CHRNA4: variants seen among roughly 807,000 people sequenced by gnomAD.
CHRNA4 encodes cholinergic receptor nicotinic alpha 4 subunit.
A neutral mutation model predicts 48.9 loss-of-function variants in CHRNA4; 28 were observed. The observed-to-expected ratio is 0.57, with a 90% CI of 0.42 to 0.79. The LOEUF (loss-of-function observed/expected upper bound fraction) is 0.79, where lower values mean the gene tolerates loss of function less well. Among genes scored for constraint, CHRNA4 ranks in the 30% least tolerant of loss-of-function variants. The pLI is 0.00. For synonymous variants in CHRNA4, 425 were observed against 402.3 expected (o/e 1.06, Z -0.68); for missense variants, 859 against 898.4 (o/e 0.96, Z 0.56).
intron 4 of CHRNA4, among the ~76,000 whole-genome samples, chr20:63,352,078 G>A (rs904128976): frequency 2.1e-4 from 32 of 152,218 alleles, no homozygotes; most frequent in Non-Finnish European, 3.8e-4. Flanking sequence ...GGGGCACGAC[G>A]CGTCGGGGGG....
intron 1 of CHRNA4, 103 bp from the exon 2 acceptor site, chr20:63,359,802 A>C (rs986041867): frequency 1.5e-4 from 206 of 1,380,916 alleles, no homozygotes; most frequent in Non-Finnish European, 1.9e-4. Flanking sequence ...CAGCACGTCC[A>C]CTTCCTTTCA....
Position 63,356,097 on chromosome 20 carries a change from G to C in CHRNA4, c.274-13C>G, listed in dbSNP as rs1057524765. On this transcript the variant is annotated splice_polypyrimidine_tract_variant and intron_variant, in intron 3 of 5. Coordinates refer to ENST00000370263, the MANE Select transcript of CHRNA4 (RefSeq NM_000744.7). ...AGTCGTGCCACTCCTGGATGAGGTG[G>C]GGCGGGGGGAGGCTGCAGGGTGAGG... 1.9e-6 allele frequency: 3 copies of C among 1,578,754 alleles called. No homozygotes were observed. The African/African-American group carries it at 4.4e-5, about 23-fold the overall frequency.
Position 63,356,009 on chromosome 20 carries a change from G to A in CHRNA4, c.349C>T (p.Leu117Phe), listed in dbSNP as rs2145400862. 6.2e-7 allele frequency: 1 copy of A among 1,611,660 alleles called. No individual in the cohort carries two copies. The highest frequency in any genetic ancestry group is 8.5e-7 in the Non-Finnish European group (1 of 1,179,680). The change falls in exon 4 of 6, where the codon CTC (leucine) becomes TTC (phenylalanine). Residue 117 changes from leucine to phenylalanine, a missense_variant. Physicochemically the swap from Leu to Phe is conservative, Grantham distance 22. Transcript: ENST00000370263. ...NVTSIRIPSE[L>F]IWRPDIVLYN... The stretch of plus-strand genomic sequence containing the variant: ...AGGACGATGTCCGGCCGCCAGATGA[G>A]CTCGGAGGGGATGCGGATGGAGGTG...
rs754312855 is a variant in CHRNA4 at position 63,355,999 on chromosome 20, C to T, written c.359G>A (p.Arg120Gln). ...SIRIPSELIW[R>Q]PDIVLYNNAD... is the part of the protein sequence containing the mutation. ...CTTGTTGTAGAGGACGATGTCCGGC[C>T]GCCAGATGAGCTCGGAGGGGATGCG... The change falls in exon 4 of 6, where the codon CGG (arginine) becomes CAG (glutamine). Residue 120 changes from arginine to glutamine, a missense_variant. This residue lies in a region of CHRNA4 where 342 missense variants were observed against 365.3 expected (regional missense o/e 0.94). Coordinates refer to ENST00000370263, the MANE Select transcript of CHRNA4 (RefSeq NM_000744.7). 1.2e-6 allele frequency: 2 copies of T among 1,611,718 alleles called. No homozygotes were observed. The highest frequency in any genetic ancestry group is 1.1e-5 in the South Asian group (1 of 90,984).
rs199699339 is a variant in CHRNA4 at position 63,356,390 on chromosome 20, G to A, written c.254C>T (p.Thr85Met). The change falls in exon 3 of 6, where the codon ACG becomes ATG. Residue 85 changes from threonine to methionine, a missense_variant. Around this residue, in one of 3 missense-constraint regions of CHRNA4, gnomAD observed 342 missense variants for 365.3 expected, o/e 0.94. Transcript: ENST00000370263. ...ACTCACCTGCTTCACCCATACGTTC[G>A]TGGTCATCATCTGGTTCTTCTCATC... is the stretch of plus-strand genomic sequence containing the variant. Reference protein sequence around the residue: ...DVDEKNQMMTTNVWVKQEWHD... With the variant: ...DVDEKNQMMTMNVWVKQEWHD... 7.5e-6 allele frequency: 12 copies of A among 1,601,270 alleles called. No homozygotes were observed. Among genetic ancestry groups the A allele is most frequent in the Middle Eastern group, 1.6e-4 (1 of 6,066 alleles).
rs79739740 is a variant in CHRNA4 at position 63,361,115 on chromosome 20, C to T, written c.51G>A (p.Leu17=). The T allele has an allele frequency of 0.078, 114,801 of 1,477,178 alleles. 4,862 individuals are homozygous for T. The highest frequency in any genetic ancestry group is 0.088 in the Non-Finnish European group (98,042 of 1,119,820). The allele number at this position is 1,477,178 out of a possible 1,614,324, so 91.5% of individuals were successfully genotyped here. A position where few individuals can be genotyped will look rare whatever the true frequency, so the allele number is the denominator to read the frequency against. ...GAPRLLPPLL[L]LLGTGLLRAS... is the part of the protein sequence containing the mutation. The stretch of plus-strand genomic sequence containing the variant: ...CGCGCAGGAGGCCGGTCCCCAGAAG[C>T]AGCAGCAGCGGCGGCAGCAGCCGCG... Residue 17 remains leucine (L), a synonymous_variant, in exon 1 of 6, where the codon CTG becomes CTA. Coordinates refer to ENST00000370263, the MANE Select transcript of CHRNA4 (RefSeq NM_000744.7).
At chr20:63,351,841 C>T (rs1327826183) in intron 4 of CHRNA4, among the ~76,000 whole-genome samples, 2 of 152,240 alleles carry the variant, frequency 1.3e-5, no homozygotes, top group Admixed American at 1.3e-4. Context: ...TGAACTCCTC[C>T]CGGTAGGCAG....
Position 63,359,887 on chromosome 20 carries a change from C to T in CHRNA4, c.77-188G>A, listed in dbSNP as rs889988467. 1.1e-3 allele frequency: 537 copies of T among 494,192 alleles called. 10 individuals carry two copies. The highest frequency in any genetic ancestry group is 8.6e-3 in the Middle Eastern group (17 of 1,978). The allele number at this position is 494,192 out of a possible 1,614,324, so 30.6% of individuals were successfully genotyped here. A position where few individuals can be genotyped will look rare whatever the true frequency, so the allele number is the denominator to read the frequency against. ...GTGCGCTCTGTGTGTGTGTGTGTGC[C>T]GGGCGTGTGCTGTGTGTGTGTGTGT... On this transcript the variant is annotated intron_variant, in intron 1 of 5. Coordinates refer to ENST00000370263, the MANE Select transcript of CHRNA4 (RefSeq NM_000744.7).
intron 4 of CHRNA4, 194 bp from the exon 5 acceptor site, chr20:63,351,221 C>CA (rs1568811922): frequency 1.6e-5 from 6 of 381,006 alleles, no homozygotes; most frequent in Non-Finnish European, 2.3e-5. Flanking sequence ...TCCACGTCCA[C>CA]GCCCACATCC....
intron 5 of CHRNA4, chr20:63,347,064 G>A (rs1193995056): frequency 5.6e-6 from 4 of 713,134 alleles, no homozygotes; most frequent in South Asian, 4.9e-5. Context: ...TCTGCGGGGG[G>A]CATCATCACC....
At position 63,359,319 on chromosome 20, in the gene CHRNA4, C is replaced by A. The variant is rs1483375020; in HGVS notation, c.228+229G>T. 7 of 619,426 alleles carry A rather than the reference C, an allele frequency of 1.1e-5. No homozygotes were observed. The East Asian group carries it at 2.1e-4, about 18-fold the overall frequency. The allele number at this position is 619,426 out of a possible 1,614,324, so 38.4% of individuals were successfully genotyped here. On this transcript the variant is annotated intron_variant, in intron 2 of 5. Transcript: ENST00000370263. ...AACCTGGCCACTTGGAGTGTTCCCA[C>A]GTCAAGGGGGAGGAAAGGGCAGGGC...
chr20:63,361,279 C>A lies in CHRNA4; in HGVS notation c.-114G>T, dbSNP rs777443757. The A allele has an allele frequency of 7.3e-6, 10 of 1,369,008 alleles. 1 individual carries two copies. The highest frequency in any genetic ancestry group is 2.7e-4 in the Middle Eastern group (1 of 3,744). The allele number at this position is 1,369,008 out of a possible 1,614,324, so 84.8% of individuals were successfully genotyped here. A position where few individuals can be genotyped will look rare whatever the true frequency, so the allele number is the denominator to read the frequency against. ...GCGCCTCGCGGGCCGCTTCGGCCGC[C>A]GGGCCCGGTTCGTCTTCTCCTGTGG... is the stretch of plus-strand genomic sequence containing the variant. On this transcript the variant is annotated 5_prime_UTR_variant, in exon 1 of 6. Coordinates refer to ENST00000370263, the MANE Select transcript of CHRNA4 (RefSeq NM_000744.7).
chr20:63,348,732 G>A (rs945300124), intron 5 of CHRNA4, among the ~76,000 whole-genome samples: 1 of 152,180 alleles, frequency 6.6e-6, no homozygotes, highest in Non-Finnish European at 1.5e-5. Context: ...GAGACCCCCG[G>A]CCACCTGTGT....
chr20:63,361,064 G>A, intron 1 of CHRNA4, 26 bp downstream of exon 1: 2 of 1,427,794 alleles, frequency 1.4e-6, no homozygotes, highest in Non-Finnish European at 1.8e-6. Flanking sequence ...GGCGAAAGGG[G>A]GCCCATCCCG....
intron 4 of CHRNA4, among the ~76,000 whole-genome samples, chr20:63,353,481 T>TA (rs2068647896): frequency 9.5e-5 from 3 of 31,658 alleles, no homozygotes; most frequent in Admixed American, 4.1e-4. Context: ...GCTGTGGTCC[T>TA]GGGGGGGCTG....
chr20:63,344,916 G>A lies in CHRNA4; in HGVS notation c.*1822C>T, dbSNP rs1294686447. The stretch of plus-strand genomic sequence containing the variant: ...CGGGGGATGTGGGAGGGGCCAGGGG[G>A]CTGGGGATGCCCAGGATTTGGCACG... On this transcript the variant is annotated 3_prime_UTR_variant, in exon 6 of 6. Coordinates refer to ENST00000370263, the MANE Select transcript of CHRNA4 (RefSeq NM_000744.7). This position sits in a 1 kb window ranked among gnomAD's most constrained non-coding sequence, Gnocchi z 4.5. 2.5e-6 allele frequency: 1 copy of A among 404,396 alleles called. No homozygotes were observed. 25.1% of individuals were successfully genotyped at this position (404,396 alleles called of 1,614,324 possible). A position where few individuals can be genotyped will look rare whatever the true frequency, so the allele number is the denominator to read the frequency against.
intron 5 of CHRNA4, 129 bp from the exon 6 acceptor site, chr20:63,346,992 T>C (rs889244653): frequency 2.9e-6 from 4 of 1,384,828 alleles, no homozygotes; most frequent in Non-Finnish European, 4.0e-6. Flanking sequence ...CCATTGCTGC[T>C]GGTGCACGCG....
chr20:63,343,997 T>TA lies in CHRNA4; in HGVS notation c.*2740dup, dbSNP rs1568801210. ...GCAGAAAATAAACATGCATAACGGA[T>TA]AGAGTGCCATGCACACACCGGCACC... On this transcript the variant is annotated 3_prime_UTR_variant, in exon 6 of 6. Coordinates refer to ENST00000370263, the MANE Select transcript of CHRNA4 (RefSeq NM_000744.7). 3 of 454,062 alleles carry TA rather than the reference T, an allele frequency of 6.6e-6. No homozygotes were observed. Among genetic ancestry groups the TA allele is most frequent in the Admixed American group, 2.3e-5 (1 of 42,578 alleles). The allele number at this position is 454,062 out of a possible 1,614,324, so 28.1% of individuals were successfully genotyped here.
chr20:63,359,913 G>GTGCCGGGCGTGCGCTGTGTA (rs1568820228), intron 1 of CHRNA4: 21 of 519,526 alleles, frequency 4.0e-5, no homozygotes, highest in South Asian at 6.1e-5. Flanking sequence ...GTGTGTGTGT[G>GTGCCGGGCGTGCGCTGTGTA]TGTGTGTGTG....
Sources: allele counts gnomAD v4.1 joint callset (sites outside exome capture counted in the v4.1 genomes callset), GRCh38; gene constraint gnomAD v4.1.1; regional missense constraint gnomAD v4.1.1; non-coding constraint Gnocchi (gnomAD v3.1); transcripts MANE v1.5; gene names NCBI Gene and HGNC (gene_info 2026-07-23, HGNC 2026-07-21).